The following EZH2 variants were observed in gnomAD, a reference collection of about 807,000 sequenced individuals.
EZH2 encodes the protein enhancer of zeste 2 polycomb repressive complex 2 subunit.
EZH2 carries 18 observed loss-of-function variants against 98.4 expected under a neutral mutation model. That is an observed-to-expected ratio of 0.18 (90% CI 0.13 to 0.27). EZH2 has a LOEUF of 0.27. Among genes scored for constraint, EZH2 ranks in the 10% least tolerant of loss-of-function variants. The probability of loss-of-function intolerance (pLI) is 1.00; values close to 1 mark genes in which losing one functional copy is unlikely to be tolerated. For missense variants in EZH2, 470 were observed against 935.1 expected, an observed-to-expected ratio of 0.50 and a Z score of 6.49; for synonymous variants, 338 against 312.3, an observed-to-expected ratio of 1.08 and a Z score of -0.87.
intron 1 of EZH2, among the ~76,000 whole-genome samples, chr7:148,873,520 T>C (rs1819733391): frequency 7.0e-6 from 1 of 142,634 alleles, no homozygotes; most frequent in African/African-American, 2.6e-5. Flanking sequence ...AGAAAGATCA[T>C]TGTAAGATCA....
intron 1 of EZH2, among the ~76,000 whole-genome samples, chr7:148,871,403 T>TAAAAAAAAAAAAAAAAAAA (rs71529646): frequency 2.3e-5 from 2 of 88,752 alleles, no homozygotes; most frequent in African/African-American, 4.3e-5. Flanking sequence ...GACGAATAAT[T>TAAAAAAAAAAAAAAAAAAA]AAAAAAAAAA....
intron 3 of EZH2, among the ~76,000 whole-genome samples, chr7:148,839,717 T>C (rs1162466214): frequency 1.3e-5 from 2 of 152,192 alleles, no homozygotes; most frequent in Non-Finnish European, 2.9e-5. Context: ...GCTAATTTTT[T>C]TGTATTTTTA....
intron 18 of EZH2, 26 bp downstream of exon 18, chr7:148,809,284 C>G (rs1235880121): frequency 1.3e-6 from 2 of 1,596,220 alleles, no homozygotes; most frequent in Non-Finnish European, 1.7e-6. Flanking sequence ...AAAGGGAGTT[C>G]CAATTCTCAC....
chr7:148,832,590 A>T (rs1189257822), intron 4 of EZH2, 44 bp downstream of exon 4: 1 of 1,055,744 alleles, frequency 9.5e-7, no homozygotes, highest in South Asian at 1.6e-5. Flanking sequence ...TTTTACTTCA[A>T]ATAAGTTATT....
chr7:148,879,635 AGCCAAGATGGTGCC>A (rs1307624203), intron 1 of EZH2, among the ~76,000 whole-genome samples: 24 of 152,156 alleles, frequency 1.6e-4, no homozygotes, highest in Non-Finnish European at 2.6e-4. Flanking sequence ...GGTTGCAGTG[AGCCAAGATGGTGCC>A]ACTGCACTCC....
At chr7:148,822,251 T>C (rs1277596725) in intron 8 of EZH2, among the ~76,000 whole-genome samples, 8 of 151,550 alleles carry the variant, frequency 5.3e-5, no homozygotes, top group East Asian at 2.0e-4. Flanking sequence ...GGCTCACACC[T>C]GTAATCTCAG....
intron 1 of EZH2, among the ~76,000 whole-genome samples, chr7:148,866,975 A>C (rs1490835508): frequency 1.3e-5 from 2 of 149,496 alleles, no homozygotes; most frequent in Admixed American, 6.6e-5. Flanking sequence ...CAGCCTCCCA[A>C]AGTGCTGGGA....
At chr7:148,877,096 T>TA (rs1042052112) in intron 1 of EZH2, among the ~76,000 whole-genome samples, 8 of 151,854 alleles carry the variant, frequency 5.3e-5, no homozygotes, top group African/African-American at 7.2e-5. Context: ...GTATTGACCT[T>TA]AAAAAAAAGC....
Position 148,811,215 on chromosome 7 carries a change from C to T in EZH2, c.1947+410G>A, listed in dbSNP as rs192935463. Reference sequence around the variant, plus strand: ...GGAGTGCAGTGGCACAAACATGGCTCACTGCAGCCTCAACCTCCCAGGCTC... The same window carrying T: ...GGAGTGCAGTGGCACAAACATGGCTTACTGCAGCCTCAACCTCCCAGGCTC... On this transcript the variant is annotated intron_variant, in intron 16 of 19. Coordinates refer to ENST00000320356, the MANE Select transcript of EZH2 (RefSeq NM_004456.5). Among the ~76,000 whole-genome samples, 614 of 152,322 alleles carry T rather than the reference C, an allele frequency of 4.0e-3. 6 individuals are homozygous for T. Among genetic ancestry groups the T allele is most frequent in the African/African-American group, 0.014 (574 of 41,572 alleles).
intron 1 of EZH2, among the ~76,000 whole-genome samples, chr7:148,875,156 A>G (rs960454469): frequency 1.1e-4 from 17 of 152,242 alleles, no homozygotes; most frequent in Non-Finnish European, 2.2e-4. Context: ...TACACCTAAC[A>G]GCATATGAAT....
At chr7:148,879,406 G>A (rs73471869) in intron 1 of EZH2, among the ~76,000 whole-genome samples, 1,615 of 151,632 alleles carry the variant, frequency 0.011, 26 homozygotes, top group African/African-American at 0.037. Context: ...AAAAATTATC[G>A]GAGGCTGGGC....
At chr7:148,875,561 C>T (rs1371161905) in intron 1 of EZH2, among the ~76,000 whole-genome samples, 1 of 152,174 alleles carries the variant, frequency 6.6e-6, no homozygotes, top group Admixed American at 6.6e-5. Flanking sequence ...ATACTTAATA[C>T]TCATTTGATG....
At chr7:148,810,520 C>A in intron 16 of EZH2, 106 bp from the exon 17 acceptor site, 6 of 677,124 alleles carry the variant, frequency 8.9e-6, no homozygotes, top group Admixed American at 6.8e-5. Context: ...GGAGAAAACG[C>A]AACAAAAAGG....
chr7:148,859,170 C>A (rs1817292368), intron 1 of EZH2, among the ~76,000 whole-genome samples: 2 of 152,312 alleles, frequency 1.3e-5, no homozygotes, highest in East Asian at 1.9e-4. Flanking sequence ...AATTAAAAAT[C>A]TGTGCCCTTA....
Position 148,811,617 on chromosome 7 carries a change from T to C in EZH2, c.1947+8A>G. On this transcript the variant is annotated splice_region_variant and intron_variant, in intron 16 of 19. Coordinates refer to ENST00000320356, the MANE Select transcript of EZH2 (RefSeq NM_004456.5). ...ATGCCACCTGAATACAGGTTATCAG[T>C]GCCTTACCTCTCCACAGTATTCTGA... 1 of 1,611,082 alleles carries C rather than the reference T, an allele frequency of 6.2e-7. No individual in the cohort carries two copies. Among genetic ancestry groups the C allele is most frequent in the Non-Finnish European group, 8.5e-7 (1 of 1,177,692 alleles).
At chr7:148,809,522 C>A in intron 17 of EZH2, 132 bp from the exon 18 acceptor site, 1 of 608,302 alleles carries the variant, frequency 1.6e-6, no homozygotes, top group Non-Finnish European at 2.9e-6. Context: ...AATCAAGCAG[C>A]TTCATTCAGT....
At chr7:148,833,845 G>A (rs1040888704) in intron 3 of EZH2, among the ~76,000 whole-genome samples, 1 of 152,086 alleles carries the variant, frequency 6.6e-6, no homozygotes, top group African/African-American at 2.4e-5. Context: ...CATGGTTCTC[G>A]GGCTAGAATG....
chr7:148,852,621 T>A (rs1217547845), intron 1 of EZH2, among the ~76,000 whole-genome samples: 1 of 152,026 alleles, frequency 6.6e-6, no homozygotes. Context: ...TGGAAAAATG[T>A]TTGCCCAAGG....
rs2129471853 is a variant in EZH2, at chr7:148,818,111, C to T, written c.1006G>A (p.Ala336Thr). 2 of 1,567,310 alleles carry T rather than the reference C, an allele frequency of 1.3e-6. No individual in the cohort carries two copies. Among genetic ancestry groups the T allele is most frequent in the Non-Finnish European group, 1.7e-6 (2 of 1,160,086 alleles). The change falls in exon 10 of 20, where the codon GCA becomes ACA. Residue 336 changes from alanine (A) to threonine (T), a missense_variant. Physicochemically the swap from Ala to Thr is moderately conservative, Grantham distance 58. Around this residue, in one of 6 missense-constraint regions of EZH2, gnomAD observed 192 missense variants for 306.8 expected, o/e 0.63. Transcript: ENST00000320356. Reference protein sequence around the residue: ...GPQCYQHLEGAKEFAAALTAE... With the variant: ...GPQCYQHLEGTKEFAAALTAE... Reference sequence around the variant, plus strand: ...GTGAGAGCAGCAGCAAACTCCTTTGCTCCCTCCTACGAAATGAAAAATGTC... The same window carrying T: ...GTGAGAGCAGCAGCAAACTCCTTTGTTCCCTCCTACGAAATGAAAAATGTC...
Sources: allele counts gnomAD v4.1 joint callset (sites outside exome capture counted in the v4.1 genomes callset), GRCh38; gene constraint gnomAD v4.1.1; regional missense constraint gnomAD v4.1.1; transcripts MANE v1.5; gene names NCBI Gene and HGNC (gene_info 2026-07-23, HGNC 2026-07-21).